Variants in EYA2 observed in about 807,000 individuals in gnomAD.
EYA2 encodes the protein EYA transcriptional coactivator and phosphatase 2.
In EYA2, 31 loss-of-function variants were observed where a neutral mutation model predicts 69.2. That is an observed-to-expected ratio of 0.45 (90% CI 0.34 to 0.60). EYA2 has a LOEUF of 0.60. EYA2 is among the 20% of genes least tolerant of loss of function. The pLI, the probability that EYA2 is intolerant of heterozygous loss-of-function variation, is 0.02. For synonymous variants in EYA2, 257 were observed against 279.4 expected, an observed-to-expected ratio of 0.92 and a Z score of 0.80; for missense variants, 622 against 701.2, an observed-to-expected ratio of 0.89 and a Z score of 1.28.
intron 8 of EYA2, among the ~76,000 whole-genome samples, chr20:47,092,212 G>A (rs1021480452): frequency 3.3e-5 from 5 of 152,018 alleles, no homozygotes; most frequent in Admixed American, 1.3e-4. Context: ...ATCATGCTTG[G>A]TGCCCTACAC....
chr20:47,025,976 A>G (rs1984058125), intron 5 of EYA2, among the ~76,000 whole-genome samples: 1 of 152,252 alleles, frequency 6.6e-6, no homozygotes, highest in Non-Finnish European at 1.5e-5. Flanking sequence ...TTTCCTGTGA[A>G]CCAGGAGATT....
At chr20:46,959,655 CG>C (rs1979349153) in intron 1 of EYA2, among the ~76,000 whole-genome samples, 3 of 152,302 alleles carry the variant, frequency 2.0e-5, no homozygotes, top group African/African-American at 7.2e-5. Context: ...CGCACACGCA[CG>C]CACACGCACG....
intron 7 of EYA2, among the ~76,000 whole-genome samples, chr20:47,088,247 T>A (rs2031958494): frequency 6.6e-6 from 1 of 151,896 alleles, no homozygotes; most frequent in South Asian, 2.1e-4. Flanking sequence ...AAATAAAAAT[T>A]AAAATAAAAA....
intron 5 of EYA2, among the ~76,000 whole-genome samples, chr20:47,050,400 T>C (rs2030272230): frequency 6.6e-6 from 1 of 152,154 alleles, no homozygotes; most frequent in African/African-American, 2.4e-5. Flanking sequence ...TAACAGTGAA[T>C]AACCTCCAAA....
At chr20:47,095,892 G>C (rs2032232998) in intron 8 of EYA2, 1 of 152,140 alleles carries the variant, frequency 6.6e-6, no homozygotes, top group Admixed American at 6.5e-5. Flanking sequence ...AGAAAACAGT[G>C]GATCCAACCC....
At chr20:47,141,095 T>C (rs1339855354) in intron 9 of EYA2, among the ~76,000 whole-genome samples, 3 of 152,100 alleles carry the variant, frequency 2.0e-5, no homozygotes, top group African/African-American at 7.2e-5. Flanking sequence ...TCAACACGAG[T>C]TGTGACAGGA....
intron 1 of EYA2, among the ~76,000 whole-genome samples, chr20:46,933,703 C>T (rs1985771681): frequency 6.6e-6 from 1 of 152,252 alleles, no homozygotes; most frequent in Non-Finnish European, 1.5e-5. Flanking sequence ...CAGCTCCTCA[C>T]AGGACTGCTG....
intron 1 of EYA2, among the ~76,000 whole-genome samples, chr20:46,920,689 T>C: frequency 6.6e-6 from 1 of 152,178 alleles, no homozygotes; most frequent in East Asian, 1.9e-4. Flanking sequence ...TTCCCCTTCA[T>C]GGGGTGGGGC....
In EYA2 at chr20:46,973,055, A is replaced by G. The variant is rs966300314; in HGVS notation, c.-10-16946A>G. On this transcript the variant is annotated intron_variant, in intron 1 of 15. Transcript: ENST00000327619. Reference sequence around the variant, plus strand: ...TATAATGGAGGAAGCAGGTGGTGCTACCTGAACACAAGGGCCCTCGTGGTG... The same window carrying G: ...TATAATGGAGGAAGCAGGTGGTGCTGCCTGAACACAAGGGCCCTCGTGGTG... 2.0e-5 allele frequency among the ~76,000 whole-genome samples: 3 copies of G among 152,148 alleles called. No individual in the cohort carries two copies. In the East Asian group the frequency reaches 5.8e-4, roughly 29 times the overall value.
At chr20:46,962,312 C>T (rs1052883028) in intron 1 of EYA2, among the ~76,000 whole-genome samples, 6 of 152,274 alleles carry the variant, frequency 3.9e-5, no homozygotes, top group Non-Finnish European at 5.9e-5. Flanking sequence ...CAGGCATGAG[C>T]GACCGTGCCC....
intron 5 of EYA2, among the ~76,000 whole-genome samples, chr20:47,064,034 C>G (rs1286972520): frequency 8.5e-5 from 13 of 152,238 alleles, no homozygotes; most frequent in Non-Finnish European, 1.5e-5. Flanking sequence ...GGGCTTGCTG[C>G]AGCTTCAACT....
chr20:46,923,576 T>C (rs562962197), intron 1 of EYA2, among the ~76,000 whole-genome samples: 2 of 152,296 alleles, frequency 1.3e-5, no homozygotes, highest in African/African-American at 4.8e-5. Flanking sequence ...AAACCGGAGA[T>C]TCTATAAGAG....
intron 1 of EYA2, among the ~76,000 whole-genome samples, chr20:46,927,013 A>G (rs1985443852): frequency 6.6e-6 from 1 of 152,204 alleles, no homozygotes; most frequent in African/African-American, 2.4e-5. Flanking sequence ...CCCAGCAGGC[A>G]TGGGGTGCTG....
intron 7 of EYA2, among the ~76,000 whole-genome samples, chr20:47,080,020 A>G (rs1349099686): frequency 1.3e-5 from 2 of 152,242 alleles, no homozygotes; most frequent in Admixed American, 1.3e-4. Flanking sequence ...TCCACCCAAC[A>G]GCAGCAAATA....
At chr20:47,030,272 C>A (rs1984330342) in intron 5 of EYA2, among the ~76,000 whole-genome samples, 1 of 152,246 alleles carries the variant, frequency 6.6e-6, no homozygotes, top group Non-Finnish European at 1.5e-5. Flanking sequence ...GTCACCTGCC[C>A]ACTAAATGCC....
At chr20:47,117,605 C>A (rs2032936564) in intron 9 of EYA2, 3 of 985,258 alleles carry the variant, frequency 3.0e-6, no homozygotes, top group South Asian at 9.4e-5. Context: ...CGATAGGCGG[C>A]TTGGCCTGTC....
intron 9 of EYA2, among the ~76,000 whole-genome samples, chr20:47,142,128 A>G (rs111348678): frequency 1.3e-5 from 2 of 152,230 alleles, no homozygotes; most frequent in African/African-American, 2.4e-5. Context: ...ACTTTGTAGT[A>G]CAGTGTAGAC....
intron 1 of EYA2, among the ~76,000 whole-genome samples, chr20:46,896,125 G>A (rs1983800321): frequency 6.6e-6 from 1 of 152,128 alleles, no homozygotes; most frequent in Non-Finnish European, 1.5e-5. Context: ...GCTGAACATT[G>A]GAATCTAGCT....
chr20:47,104,957 G>C (rs1255455736), intron 9 of EYA2, among the ~76,000 whole-genome samples: 3 of 152,254 alleles, frequency 2.0e-5, no homozygotes, highest in African/African-American at 4.8e-5. Flanking sequence ...GGAGGTGGAG[G>C]CTGCAGTGAA....
Sources: gnomAD v4.1 joint callset for allele counts (sites outside exome capture counted in the v4.1 genomes callset) on GRCh38, gnomAD v4.1.1 for gene constraint, MANE v1.5 for transcripts, NCBI Gene and HGNC (gene_info 2026-07-23, HGNC 2026-07-21) for gene names.